KIF20B: variants seen among roughly 807,000 people sequenced by gnomAD.
KIF20B encodes kinesin family member 20B, also known as kinesin-like protein KIF20B.
KIF20B carries 188 observed loss-of-function variants against 232.5 expected under a neutral mutation model. The ratio of observed to expected loss-of-function variants is 0.81; its 90% CI spans 0.72 to 0.91. The LOEUF is 0.91. KIF20B is among the 40% of genes least tolerant of loss of function. The pLI, the probability that KIF20B is intolerant of heterozygous loss-of-function variation, is 0.00. For synonymous variants in KIF20B, 712 were observed against 683.0 expected (o/e 1.04, Z -0.66); for missense variants, 2,154 against 2,055.9 (o/e 1.05, Z -0.92).
At chr10:89,704,835 G>T (rs2133076911) in intron 1 of KIF20B, among the ~76,000 whole-genome samples, 1 of 152,298 alleles carries the variant, frequency 6.6e-6, no homozygotes, top group Non-Finnish European at 1.5e-5. Context: ...GGGATTACAG[G>T]CGTGAGCCAC....
intron 8 of KIF20B, among the ~76,000 whole-genome samples, chr10:89,716,155 TGA>T (rs1186023888): frequency 2.0e-5 from 3 of 152,222 alleles, no homozygotes; most frequent in African/African-American, 7.2e-5. Flanking sequence ...TTTTTTTCCC[TGA>T]GTGTCTAATT....
intron 31 of KIF20B, among the ~76,000 whole-genome samples, chr10:89,772,094 A>C (rs1414284927): frequency 6.6e-6 from 1 of 152,032 alleles, no homozygotes; most frequent in Non-Finnish European, 1.5e-5. Context: ...ATTTCTATCC[A>C]GGAATTTTCC....
rs1208276949 is a variant in KIF20B, at chr10:89,739,042, C to T, written c.3861C>T (p.Asp1287=). The change falls in exon 21 of 33, where the codon GAC becomes GAT. Residue 1287 remains aspartate, a synonymous_variant. Coordinates refer to ENST00000371728, the MANE Select transcript of KIF20B (RefSeq NM_001284259.2). ...DLQRKEEDYA[D]LKEKLTDAKK... is the part of the protein sequence containing the mutation. ...AGAGGAAGGAAGAAGATTATGCTGACCTGAAAGAGAAACTGACTGATGCCA... is the reference window on the plus strand; with the variant it reads ...AGAGGAAGGAAGAAGATTATGCTGATCTGAAAGAGAAACTGACTGATGCCA... 2 of 1,613,206 alleles carry T rather than the reference C, an allele frequency of 1.2e-6. No homozygotes were observed. The highest frequency in any genetic ancestry group is 3.3e-5 in the Admixed American group (2 of 59,956).
At position 89,710,374 on chromosome 10, in the gene KIF20B, C is replaced by T. The variant is rs112418404; in HGVS notation, c.490+309C>T. On this transcript the variant is annotated intron_variant, in intron 5 of 32. Coordinates refer to ENST00000371728, the MANE Select transcript of KIF20B (RefSeq NM_001284259.2). ...CTTCCCAAGTAGCTGGGACTACAGG[C>T]GTGCGCCACCATGCCAAGCTAGTTT... 2.5e-3 allele frequency among the ~76,000 whole-genome samples: 375 copies of T among 152,046 alleles called. 3 individuals carry two copies. Among genetic ancestry groups the T allele is most frequent in the African/African-American group, 8.7e-3 (362 of 41,434 alleles).
In KIF20B at chr10:89,745,950, G is replaced by A; in HGVS notation, c.4087G>A (p.Ala1363Thr). The A allele has an allele frequency of 1.9e-6, 3 of 1,610,616 alleles. No individual in the cohort carries two copies. Among genetic ancestry groups the A allele is most frequent in the Non-Finnish European group, 2.5e-6 (3 of 1,176,864 alleles). ...VEEAIQQYER[A>T]CKDLNVKEKI... is the part of the protein sequence containing the mutation. ...AGAAGCTATACAACAGTATGAGAGA[G>A]CATGCAAAGGTCAGGAACAAGTTTG... Residue 1363 changes from alanine to threonine, a missense_variant, in exon 23 of 33, where the codon GCA (alanine) becomes ACA (threonine). Transcript: ENST00000371728.
intron 12 of KIF20B, 25 bp downstream of exon 12, chr10:89,718,897 C>A: frequency 7.3e-7 from 1 of 1,361,624 alleles, no homozygotes; most frequent in South Asian, 1.5e-5. Context: ...TATTAAGCCT[C>A]TTATTATTAG....
intron 22 of KIF20B, among the ~76,000 whole-genome samples, chr10:89,745,488 G>A (rs976162879): frequency 4.6e-5 from 7 of 152,088 alleles, no homozygotes; most frequent in East Asian, 1.9e-4. Flanking sequence ...GCGCCACTGC[G>A]CTCCATCCTG....
At chr10:89,747,765 T>C (rs1032742004) in intron 23 of KIF20B, among the ~76,000 whole-genome samples, 7 of 151,748 alleles carry the variant, frequency 4.6e-5, no homozygotes, top group Admixed American at 1.3e-4. Flanking sequence ...AGGGATAGCA[T>C]TGGGAGATAT....
chr10:89,767,183 C>CTT (rs59954065), intron 29 of KIF20B, among the ~76,000 whole-genome samples: 6 of 142,392 alleles, frequency 4.2e-5, no homozygotes, highest in South Asian at 4.4e-4. Flanking sequence ...TCCACATACT[C>CTT]TTTTTTTTTT....
At chr10:89,713,789 A>G (rs1250922624) in intron 6 of KIF20B, among the ~76,000 whole-genome samples, 1 of 152,206 alleles carries the variant, frequency 6.6e-6, no homozygotes, top group Non-Finnish European at 1.5e-5. Flanking sequence ...GGAAAAGAAT[A>G]GAAGGGAAAT....
chr10:89,734,140 T>C (rs762677385), intron 19 of KIF20B, among the ~76,000 whole-genome samples: 2 of 152,104 alleles, frequency 1.3e-5, no homozygotes, highest in Admixed American at 6.6e-5. Flanking sequence ...CCGGGCGTGG[T>C]GGCTCATGCC....
chr10:89,751,506 C>T, intron 24 of KIF20B, 35 bp downstream of exon 24: 2 of 1,562,892 alleles, frequency 1.3e-6, no homozygotes, highest in Non-Finnish European at 1.7e-6. Context: ...TCTAAATATA[C>T]TTTTTCATTT....
Position 89,709,364 on chromosome 10 carries a change from A to T in KIF20B, c.254A>T (p.Asp85Val). The change falls in exon 4 of 33, where the codon GAT (aspartate) becomes GTT (valine). Residue 85 changes from aspartate to valine, a missense_variant. Asp to Val is a radical substitution (Grantham distance 152). Coordinates refer to ENST00000371728, the MANE Select transcript of KIF20B (RefSeq NM_001284259.2). ...LESEGCVHIL[D>V]SQTVVLKEPQ... ...TTCTAGGGCTGTGTGCATATTCTGG[A>T]TTCACAGACTGTTGTGCTGAAAGAG... 6.2e-7 allele frequency: 1 copy of T among 1,613,352 alleles called. No homozygotes were observed. The highest frequency in any genetic ancestry group is 8.5e-7 in the Non-Finnish European group (1 of 1,179,596).
intron 25 of KIF20B, among the ~76,000 whole-genome samples, chr10:89,753,153 G>A (rs1307627372): frequency 1.3e-5 from 2 of 152,174 alleles, no homozygotes; most frequent in South Asian, 4.2e-4. Flanking sequence ...TTTTGTGTGT[G>A]TGTGTTTTTT....
In KIF20B at chr10:89,768,332, A is replaced by G. The variant is rs1842404277; in HGVS notation, c.5032A>G (p.Thr1678Ala). ...AAATAAGAAGAATGCTACACCCAGAACTAATTTGAAATTTCCTATTTCAGA... is the reference window on the plus strand; with the variant it reads ...AAATAAGAAGAATGCTACACCCAGAGCTAATTTGAAATTTCCTATTTCAGA... ...CENKKNATPR[T>A]NLKFPISDDR... is the part of the protein sequence containing the mutation. The change falls in exon 30 of 33, where the codon ACT (threonine) becomes GCT (alanine). Residue 1678 changes from threonine to alanine, a missense_variant. Thr to Ala is a moderately conservative substitution (Grantham distance 58, BLOSUM62 0). Transcript: ENST00000371728. 1 of 1,592,898 alleles carries G rather than the reference A, an allele frequency of 6.3e-7. No homozygotes were observed. The highest frequency in any genetic ancestry group is 1.1e-5 in the South Asian group (1 of 87,660).
In KIF20B at chr10:89,752,583, G is replaced by A. The variant is rs747086932; in HGVS notation, c.4239G>A (p.Lys1413=). Residue 1413 remains lysine, a synonymous_variant, in exon 25 of 33, where the codon AAG becomes AAA. Coordinates refer to ENST00000371728, the MANE Select transcript of KIF20B (RefSeq NM_001284259.2). ...ERLATELEKW[K]EKCNDLETKN... ...TCAAATCAGAATTGGAAAAATGGAA[G>A]GAAAAATGCAATGATTTGGAAACCA... 2.5e-6 allele frequency: 4 copies of A among 1,597,508 alleles called. No homozygotes were observed. The highest frequency in any genetic ancestry group is 1.7e-5 in the Admixed American group (1 of 57,674).
chr10:89,752,468 G>C, intron 24 of KIF20B, 99 bp from the exon 25 acceptor site: 1 of 803,936 alleles, frequency 1.2e-6, no homozygotes, highest in Non-Finnish European at 1.8e-6. Flanking sequence ...TCTTTATCTG[G>C]GCTCTACTGA....
chr10:89,759,593 T>C (rs1052123417), intron 27 of KIF20B, among the ~76,000 whole-genome samples: 1 of 152,152 alleles, frequency 6.6e-6, no homozygotes, highest in African/African-American at 2.4e-5. Flanking sequence ...TTTAATAATA[T>C]ATCCTAGAAA....
chr10:89,762,713 T>C lies in KIF20B; in HGVS notation c.4867T>C (p.Leu1623=). Residue 1623 remains leucine, a synonymous_variant, in exon 29 of 33, where the codon TTA becomes CTA. Coordinates refer to ENST00000371728, the MANE Select transcript of KIF20B (RefSeq NM_001284259.2). ...AAGCACTCGATTTCCAAAACCTGAG[T>C]TAGAGATTCAATTTACACCTTTACA... is the stretch of plus-strand genomic sequence containing the variant. ...DQSTRFPKPE[L]EIQFTPLQPN... is the part of the protein sequence containing the mutation. 2 of 1,613,542 alleles carry C rather than the reference T, an allele frequency of 1.2e-6. No homozygotes were observed. Among genetic ancestry groups the C allele is most frequent in the Non-Finnish European group, 1.7e-6 (2 of 1,179,676 alleles).
Sources: allele counts gnomAD v4.1 joint callset (sites outside exome capture counted in the v4.1 genomes callset), GRCh38; gene constraint gnomAD v4.1.1; transcripts MANE v1.5; gene names NCBI Gene and HGNC (gene_info 2026-07-23, HGNC 2026-07-21).